DGKI: variants seen among roughly 807,000 people sequenced by gnomAD.
DGKI encodes DAG kinase iota.
Under a neutral mutation model 147.5 loss-of-function variants are expected in DGKI, and 55 were observed. That is an observed-to-expected ratio of 0.37 (90% confidence interval 0.30 to 0.47). DGKI has a LOEUF of 0.47. Ranked by LOEUF, DGKI falls within the 20% of genes least tolerant of loss-of-function variation. The pLI, the probability that DGKI is intolerant of heterozygous loss-of-function variation, is 1.00. For synonymous variants in DGKI, 469 were observed against 477.1 expected, an observed-to-expected ratio of 0.98 and a Z score of 0.22; for missense variants, 1,007 against 1,323.8, an observed-to-expected ratio of 0.76 and a Z score of 3.71.
intron 3 of DGKI, among the ~76,000 whole-genome samples, chr7:137,676,819 G>A (rs1481102732): frequency 1.3e-5 from 2 of 152,106 alleles, no homozygotes; most frequent in Non-Finnish European, 2.9e-5. Context: ...ACTGATACAA[G>A]GTTTAAAGAG....
intron 12 of DGKI, among the ~76,000 whole-genome samples, chr7:137,594,001 C>T (rs1002991100): frequency 1.3e-5 from 2 of 152,188 alleles, no homozygotes; most frequent in Non-Finnish European, 2.9e-5. Context: ...CCTCTTTCAC[C>T]TCCACTTCCA....
At chr7:137,537,941 A>G (rs1817573219) in intron 20 of DGKI, among the ~76,000 whole-genome samples, 1 of 152,226 alleles carries the variant, frequency 6.6e-6, no homozygotes, top group Admixed American at 6.5e-5. Flanking sequence ...AGGGTTCTGA[A>G]TAACACAAAT....
intron 7 of DGKI, among the ~76,000 whole-genome samples, chr7:137,621,948 G>A (rs1473633863): frequency 6.6e-6 from 1 of 152,144 alleles, no homozygotes; most frequent in Non-Finnish European, 1.5e-5. Context: ...GCAGCACTGG[G>A]GACCCCAGGA....
intron 20 of DGKI, among the ~76,000 whole-genome samples, chr7:137,544,193 A>G (rs907461678): frequency 1.3e-5 from 2 of 152,198 alleles, no homozygotes; most frequent in South Asian, 4.1e-4. Flanking sequence ...TAAAGTGTAA[A>G]TACAACCAAC....
chr7:137,782,963 C>T (rs1796564260), intron 1 of DGKI, among the ~76,000 whole-genome samples: 1 of 152,142 alleles, frequency 6.6e-6, no homozygotes, highest in African/African-American at 2.4e-5. Flanking sequence ...CCCCGTGGGA[C>T]AAATGAATCT....
rs78122159 is a variant in DGKI, at chr7:137,602,918, C to A, written c.1168-3013G>T. Among the ~76,000 whole-genome samples, 587 of 152,012 alleles carry A rather than the reference C, an allele frequency of 3.9e-3. 4 individuals carry two copies. Among genetic ancestry groups the A allele is most frequent in the African/African-American group, 0.014 (563 of 41,458 alleles). ...TGAAAAAAAAAAACAGCTTATATGC[C>A]AATCCCAATCCATGCATGCTACTGT... On this transcript the variant is annotated intron_variant, in intron 10 of 32. Coordinates refer to ENST00000614521, the MANE Select transcript of DGKI (RefSeq NM_001321708.2).
chr7:137,626,086 C>T (rs1267488516), intron 6 of DGKI, among the ~76,000 whole-genome samples: 1 of 152,136 alleles, frequency 6.6e-6, no homozygotes, highest in East Asian at 1.9e-4. Flanking sequence ...TGGCCTCCTC[C>T]AGACTTTGTG....
rs1028679968 is a variant in DGKI at position 137,388,232 on chromosome 7, A to G, written c.*2988T>C. 6.6e-6 allele frequency: 1 copy of G among 152,224 alleles called. No homozygotes were observed. The highest frequency in any genetic ancestry group is 6.5e-5 in the Admixed American group (1 of 15,270). 9.4% of individuals were successfully genotyped at this position (152,224 alleles called of 1,614,324 possible). ...GAAGTCCTTGAATACGATAAAGCAC[A>G]GTTTAACTGTGTTCTATTTTGTTAA... On this transcript the variant is annotated 3_prime_UTR_variant, in exon 33 of 33. Transcript: ENST00000614521.
At chr7:137,763,387 C>T (rs913850269) in intron 1 of DGKI, among the ~76,000 whole-genome samples, 1 of 152,170 alleles carries the variant, frequency 6.6e-6, no homozygotes, top group South Asian at 2.1e-4. Context: ...TGTATTTGCT[C>T]TATTTAAGGC....
chr7:137,434,334 C>G (rs1360622754), intron 28 of DGKI, among the ~76,000 whole-genome samples: 1 of 152,130 alleles, frequency 6.6e-6, no homozygotes, highest in East Asian at 1.9e-4. Context: ...AATCCCAGCA[C>G]TTTGGGAGGC....
At chr7:137,509,786 G>A (rs1464789114) in intron 21 of DGKI, among the ~76,000 whole-genome samples, 2 of 152,168 alleles carry the variant, frequency 1.3e-5, no homozygotes, top group Admixed American at 6.5e-5. Flanking sequence ...AAGAACAGAA[G>A]AAAGAGAATG....
intron 1 of DGKI, among the ~76,000 whole-genome samples, chr7:137,806,722 C>T (rs1797381875): frequency 6.6e-6 from 1 of 152,140 alleles, no homozygotes; most frequent in Non-Finnish European, 1.5e-5. Flanking sequence ...CATGAGCCAC[C>T]GCACCCGGCC....
rs1283822799 is a variant in DGKI, at chr7:137,421,874, TA to T, written c.2762-9668del. ...AGCCGGCTATCATTTCAATACACTT[TA>T]AAATCTGGATTGAGGAAGACATTCT... is the stretch of plus-strand genomic sequence containing the variant. On this transcript the variant is annotated intron_variant, in intron 28 of 32. Transcript: ENST00000614521. Among the ~76,000 whole-genome samples the T allele has an allele frequency of 2.0e-5, 3 of 152,328 alleles. No homozygotes were observed. The East Asian group carries it at 5.8e-4, about 29-fold the overall frequency.
At chr7:137,479,860 A>G (rs527279031) in intron 23 of DGKI, among the ~76,000 whole-genome samples, 1 of 152,158 alleles carries the variant, frequency 6.6e-6, no homozygotes, top group African/African-American at 2.4e-5. Context: ...TTTTAACATA[A>G]TGTTGCATAC....
rs75216452 is a variant in DGKI, at chr7:137,693,949, G to A, written c.402-3947C>T. Among the ~76,000 whole-genome samples, 428 of 152,318 alleles carry A rather than the reference G, an allele frequency of 2.8e-3. 2 individuals are homozygous for A. The highest frequency in any genetic ancestry group is 1.0e-2 in the African/African-American group (414 of 41,570). ...GGAATCCCTTTGCCACATTCGTAAA[G>A]GGCATATGATAGTGTTAATATTTTT... is the stretch of plus-strand genomic sequence containing the variant. On this transcript the variant is annotated intron_variant, in intron 1 of 32. Transcript: ENST00000614521.
intron 6 of DGKI, among the ~76,000 whole-genome samples, chr7:137,631,315 T>C (rs1821115086): frequency 6.6e-6 from 1 of 152,234 alleles, no homozygotes; most frequent in African/African-American, 2.4e-5. Context: ...TGAATTTATG[T>C]CAAGGTGACA....
At chr7:137,685,864 T>C (rs1262151220) in intron 2 of DGKI, among the ~76,000 whole-genome samples, 1 of 152,178 alleles carries the variant, frequency 6.6e-6, no homozygotes, top group Non-Finnish European at 1.5e-5. Context: ...CATAAATCCA[T>C]TTATTTTTCA....
In DGKI at chr7:137,846,566, C is replaced by A. The variant is rs1208214674; in HGVS notation, c.297G>T (p.Gly99=). Residue 99 remains glycine (G), a synonymous_variant, in exon 1 of 33, where the codon GGG becomes GGT. Coordinates refer to ENST00000614521, the MANE Select transcript of DGKI (RefSeq NM_001321708.2). This position sits in a 1 kb window ranked among gnomAD's most constrained non-coding sequence, Gnocchi z 4.0. ...PRGAGSAAAA[G]AAALDEPAAA... is the part of the protein sequence containing the mutation. ...CCGCGGGCTCGTCCAGGGCAGCGGC[C>A]CCCGCCGCCGCGGCTGACCCTGCGC... The A allele has an allele frequency of 6.4e-6, 9 of 1,407,790 alleles. No individual in the cohort carries two copies. Among genetic ancestry groups the A allele is most frequent in the Non-Finnish European group, 7.4e-6 (8 of 1,077,280 alleles). The allele number at this position is 1,407,790 out of a possible 1,614,324, so 87.2% of individuals were successfully genotyped here. A position where few individuals can be genotyped will look rare whatever the true frequency, so the allele number is the denominator to read the frequency against.
intron 10 of DGKI, among the ~76,000 whole-genome samples, chr7:137,601,998 A>G (rs1030081383): frequency 1.3e-5 from 2 of 152,330 alleles, no homozygotes; most frequent in South Asian, 4.1e-4. Context: ...AGATCTGTAT[A>G]CACACTAAAT....
Sources: allele counts gnomAD v4.1 joint callset (sites outside exome capture counted in the v4.1 genomes callset), GRCh38; gene constraint gnomAD v4.1.1; non-coding constraint Gnocchi (gnomAD v3.1); transcripts MANE v1.5; gene names NCBI Gene and HGNC (gene_info 2026-07-23, HGNC 2026-07-21).